Variants in GRIN2A observed in about 807,000 individuals in gnomAD.
The protein encoded by GRIN2A is glutamate ionotropic receptor NMDA type subunit 2A, also known as glutamate receptor ionotropic, NMDA 2A.
GRIN2A carries 22 observed loss-of-function variants against 113.4 expected under a neutral mutation model. The observed-to-expected ratio is 0.19, with a 90% CI of 0.14 to 0.28. The LOEUF is 0.28. GRIN2A is among the 10% of genes least tolerant of loss of function. GRIN2A has a pLI of 1.00. For synonymous variants in GRIN2A, 827 were observed against 738.4 expected (o/e 1.12, Z -1.94); for missense variants, 1,502 against 1,887.0 (o/e 0.80, Z 3.78).
chr16:10,181,819 CCGGTCGAGT>C, intron 1 of GRIN2A, 49 bp downstream of exon 1: 1 of 153,364 alleles, frequency 6.5e-6, no homozygotes, highest in Non-Finnish European at 1.5e-5. Flanking sequence ...CGCTCTCCCT[CCGGTCGAGT>C]CTCCCTCCTC....
intron 11 of GRIN2A, among the ~76,000 whole-genome samples, chr16:9,793,254 C>A (rs9972744): frequency 0.33 from 49,516 of 151,932 alleles, 8,178 homozygotes; most frequent in African/African-American, 0.37. Flanking sequence ...TTTTCCTTCC[C>A]TTTTCTCAGC....
At chr16:10,051,823 C>G (rs1225648206) in intron 2 of GRIN2A, among the ~76,000 whole-genome samples, 1 of 152,290 alleles carries the variant, frequency 6.6e-6, no homozygotes, top group African/African-American at 2.4e-5. Context: ...GCCAGGCTGG[C>G]CTGCTCCTGT....
At chr16:9,771,104 G>A (rs1230140755) in intron 11 of GRIN2A, among the ~76,000 whole-genome samples, 1 of 152,080 alleles carries the variant, frequency 6.6e-6, no homozygotes, top group Non-Finnish European at 1.5e-5. Flanking sequence ...GTCAGTGTTA[G>A]TGTTAGTGTT....
At chr16:10,138,385 G>A (rs1363949550) in intron 2 of GRIN2A, among the ~76,000 whole-genome samples, 1 of 152,196 alleles carries the variant, frequency 6.6e-6, no homozygotes, top group Non-Finnish European at 1.5e-5. Context: ...GAGACCTCAG[G>A]AAACTTACAA....
intron 2 of GRIN2A, chr16:10,111,273 GGCA>G: frequency 2.9e-6 from 1 of 340,008 alleles, no homozygotes; most frequent in Non-Finnish European, 5.7e-6. Flanking sequence ...CACCACTATG[GGCA>G]TTAAAAATTA....
At chr16:9,928,240 A>C (rs1316764387) in intron 3 of GRIN2A, among the ~76,000 whole-genome samples, 1 of 152,226 alleles carries the variant, frequency 6.6e-6, no homozygotes, top group African/African-American at 2.4e-5. Flanking sequence ...AAGGAGACAA[A>C]GGCAGAGAAC....
At chr16:9,890,947 C>A (rs765316223) in intron 4 of GRIN2A, 39 bp downstream of exon 4, 15 of 1,276,478 alleles carry the variant, frequency 1.2e-5, no homozygotes, top group Admixed American at 3.4e-5. Flanking sequence ...CCCATGCTTT[C>A]TTCCCTCCCC....
intron 2 of GRIN2A, among the ~76,000 whole-genome samples, chr16:9,968,721 C>T (rs1043695146): frequency 3.3e-5 from 5 of 152,288 alleles, no homozygotes; most frequent in African/African-American, 1.2e-4. Flanking sequence ...GAGTCTCCTG[C>T]TTCAGTCTCC....
At chr16:9,829,701 T>C (rs755903784) in intron 8 of GRIN2A, 49 bp from the exon 9 acceptor site, 2 of 1,338,736 alleles carry the variant, frequency 1.5e-6, no homozygotes, top group Middle Eastern at 1.8e-4. Context: ...AAAAAATGCC[T>C]GTTTGTGTAT....
At position 10,180,741 on chromosome 16, in the gene GRIN2A, A is replaced by C. The variant is rs1379401067; in HGVS notation, c.-18-312T>G. ...TCCATATCCCCCACCGCATTCCCCA[A>C]GTTCGCCGCGGGCCACAGACCCTAA... On this transcript the variant is annotated intron_variant, in intron 1 of 12. Coordinates refer to ENST00000330684, the MANE Select transcript of GRIN2A (RefSeq NM_001134407.3). This position sits in a 1 kb window ranked among gnomAD's most constrained non-coding sequence, Gnocchi z 7.0. 2.2e-5 allele frequency: 11 copies of C among 494,268 alleles called. No individual in the cohort carries two copies. In the East Asian group the frequency reaches 3.7e-4, roughly 17 times the overall value. 30.6% of individuals were successfully genotyped at this position (494,268 alleles called of 1,614,324 possible).
At chr16:9,989,616 G>A (rs914683796) in intron 2 of GRIN2A, among the ~76,000 whole-genome samples, 14 of 151,938 alleles carry the variant, frequency 9.2e-5, no homozygotes, top group Non-Finnish European at 1.5e-5. Flanking sequence ...TACAGAATGG[G>A]GGAAAATATT....
chr16:9,835,422 G>A (rs935513907), intron 7 of GRIN2A, among the ~76,000 whole-genome samples: 1 of 152,102 alleles, frequency 6.6e-6, no homozygotes, highest in African/African-American at 2.4e-5. Context: ...GAAATATTAT[G>A]TAAAATAAGA....
chr16:10,081,840 G>A (rs190187914), intron 2 of GRIN2A, among the ~76,000 whole-genome samples: 1 of 152,248 alleles, frequency 6.6e-6, no homozygotes, highest in East Asian at 1.9e-4. Context: ...AACCTCCAAG[G>A]CCCTATGTCC....
chr16:9,836,208 A>T (rs2042581570), intron 7 of GRIN2A, among the ~76,000 whole-genome samples: 1 of 152,256 alleles, frequency 6.6e-6, no homozygotes, highest in Non-Finnish European at 1.5e-5. Flanking sequence ...AAGCATATAC[A>T]TGAAAGTGTT....
intron 2 of GRIN2A, among the ~76,000 whole-genome samples, chr16:10,074,514 T>C (rs559407742): frequency 6.6e-5 from 10 of 152,200 alleles, no homozygotes; most frequent in Non-Finnish European, 1.3e-4. Flanking sequence ...ATAAACAAGA[T>C]ATGATATGGC....
chr16:9,903,761 T>A (rs992388823), intron 3 of GRIN2A, among the ~76,000 whole-genome samples: 1 of 152,214 alleles, frequency 6.6e-6, no homozygotes, highest in African/African-American at 2.4e-5. Context: ...ACCTTCTTTA[T>A]TTATGTTGGT....
At chr16:10,051,468 C>T (rs966204605) in intron 2 of GRIN2A, among the ~76,000 whole-genome samples, 2 of 152,112 alleles carry the variant, frequency 1.3e-5, no homozygotes, top group South Asian at 4.1e-4. Context: ...CAATGGCTGA[C>T]TCATAGTAGG....
In GRIN2A at chr16:9,762,960, T is replaced by C; in HGVS notation, c.*189A>G. 1.6e-6 allele frequency: 1 copy of C among 644,880 alleles called. No homozygotes were observed. Among genetic ancestry groups the C allele is most frequent in the South Asian group, 1.9e-5 (1 of 52,422 alleles). The allele number at this position is 644,880 out of a possible 1,614,324, so 39.9% of individuals were successfully genotyped here. ...GTGTCTGCCATGCTCAGCACACACC[T>C]CACAAGATTCCTTGAGTGGAAGATT... On this transcript the variant is annotated 3_prime_UTR_variant, in exon 13 of 13. Coordinates refer to ENST00000330684, the MANE Select transcript of GRIN2A (RefSeq NM_001134407.3).
Position 9,763,950 on chromosome 16 carries a change from G to T in GRIN2A, c.3594C>A (p.Ser1198=), listed in dbSNP as rs745740346. ...SKHFTLKDKG[S]PHSETSERYR... ...ATCGCTCGCTGGTCTCACTGTGCGG[G>T]GAACCCTTGTCTTTCAAGGTGAAGT... The change falls in exon 13 of 13, where the codon TCC becomes TCA. Residue 1198 remains serine, a synonymous_variant. Coordinates refer to ENST00000330684, the MANE Select transcript of GRIN2A (RefSeq NM_001134407.3). 2.5e-6 allele frequency: 4 copies of T among 1,614,112 alleles called. 1 individual carries two copies. In the Admixed American group the frequency reaches 5.0e-5, roughly 20 times the overall value.
Sources: gnomAD v4.1 joint callset for allele counts (sites outside exome capture counted in the v4.1 genomes callset) on GRCh38, gnomAD v4.1.1 for gene constraint, Gnocchi (gnomAD v3.1) non-coding constraint, MANE v1.5 for transcripts, NCBI Gene and HGNC (gene_info 2026-07-23, HGNC 2026-07-21) for gene names.